Variants in ZCCHC24 observed in about 807,000 individuals in gnomAD.
ZCCHC24 encodes zinc finger CCHC-type containing 24, also known as zinc finger CCHC domain-containing protein 24.
A neutral mutation model predicts 26.2 loss-of-function variants in ZCCHC24; 10 were observed. That is an observed-to-expected ratio of 0.38 (90% confidence interval 0.24 to 0.65). The LOEUF is 0.65. Ranked by LOEUF, ZCCHC24 falls within the 30% of genes least tolerant of loss-of-function variation. The pLI is 0.54. For synonymous variants in ZCCHC24, 144 were observed against 147.1 expected (o/e 0.98, Z 0.15); for missense variants, 243 against 329.1 (o/e 0.74, Z 2.03).
rs775226965 is a variant in ZCCHC24, at chr10:79,386,355, C to T, written c.716G>A (p.Arg239His). 17 of 1,612,874 alleles carry T rather than the reference C, an allele frequency of 1.1e-5. No individual in the cohort carries two copies. Among genetic ancestry groups the T allele is most frequent in the Admixed American group, 1.7e-5 (1 of 59,952 alleles). ...KCKVLGYYCR[R>H]VQ Reference sequence around the variant, plus strand: ...CGGGCGGGCAGCCCGTCACTGCACGCGACGGCAGTAGTAGCCCAGGACCTT... The same window carrying T: ...CGGGCGGGCAGCCCGTCACTGCACGTGACGGCAGTAGTAGCCCAGGACCTT... Residue 239 changes from arginine (R) to histidine (H), a missense_variant, in exon 4 of 4, where the codon CGC (arginine) becomes CAC (histidine). Coordinates refer to ENST00000372336, the MANE Select transcript of ZCCHC24 (RefSeq NM_153367.4).
chr10:79,396,031 T>C (rs1856542508), intron 2 of ZCCHC24, among the ~76,000 whole-genome samples: 1 of 152,224 alleles, frequency 6.6e-6, no homozygotes, highest in Non-Finnish European at 1.5e-5. Flanking sequence ...CACACAGCCC[T>C]AGGCAGCCAC....
chr10:79,425,483 C>G (rs1211620283), intron 2 of ZCCHC24, among the ~76,000 whole-genome samples: 1 of 152,176 alleles, frequency 6.6e-6, no homozygotes, highest in Non-Finnish European at 1.5e-5. Flanking sequence ...TTTAAAGAAC[C>G]CTGACTTTCT....
chr10:79,413,821 G>A (rs1328278138), intron 2 of ZCCHC24, among the ~76,000 whole-genome samples: 3 of 151,744 alleles, frequency 2.0e-5, no homozygotes, highest in East Asian at 1.9e-4. Flanking sequence ...GAGGTGCTTC[G>A]GATGTGATAG....
chr10:79,391,827 T>C (rs72818296), intron 3 of ZCCHC24, among the ~76,000 whole-genome samples: 1 of 151,288 alleles, frequency 6.6e-6, no homozygotes, highest in Admixed American at 6.6e-5. Flanking sequence ...CTCCTCTGTC[T>C]GCTTGTCCTT....
chr10:79,398,569 A>AGGT (rs1856579553), intron 2 of ZCCHC24, among the ~76,000 whole-genome samples: 1 of 131,606 alleles, frequency 7.6e-6, no homozygotes, highest in Non-Finnish European at 1.6e-5. Flanking sequence ...GATGGGAGGG[A>AGGT]AACCTGGGAG....
chr10:79,386,177 GTT>G lies in ZCCHC24; in HGVS notation c.*166_*167del, dbSNP rs373388289. The G allele has an allele frequency of 2.8e-4, 178 of 639,384 alleles. No individual in the cohort carries two copies. Among genetic ancestry groups the G allele is most frequent in the African/African-American group, 2.8e-3 (152 of 54,988 alleles). The allele number at this position is 639,384 out of a possible 1,614,324, so 39.6% of individuals were successfully genotyped here. A position where few individuals can be genotyped will look rare whatever the true frequency, so the allele number is the denominator to read the frequency against. ...GGGGGGCAGCAATGTCAGTAACACT[GTT>G]TGTCAACACACACAAGACAAGGACG... On this transcript the variant is annotated 3_prime_UTR_variant, in exon 4 of 4. Transcript: ENST00000372336.
At chr10:79,430,233 T>C (rs992689469) in intron 2 of ZCCHC24, among the ~76,000 whole-genome samples, 1 of 152,126 alleles carries the variant, frequency 6.6e-6, no homozygotes, top group Non-Finnish European at 1.5e-5. Context: ...AAACTGATGC[T>C]GCGAGCCTCT....
intron 2 of ZCCHC24, among the ~76,000 whole-genome samples, chr10:79,398,679 G>A (rs960278731): frequency 6.6e-6 from 1 of 152,200 alleles, no homozygotes; most frequent in Non-Finnish European, 1.5e-5. Context: ...CTCATGGAAG[G>A]ACCACGCTGC....
At position 79,388,208 on chromosome 10, in the gene ZCCHC24, T is replaced by G. The variant is rs61257101; in HGVS notation, c.613-1750A>C. Among the ~76,000 whole-genome samples, 755 of 152,218 alleles carry G rather than the reference T, an allele frequency of 5.0e-3. 4 individuals carry two copies. Among genetic ancestry groups the G allele is most frequent in the African/African-American group, 0.017 (690 of 41,532 alleles). On this transcript the variant is annotated intron_variant, in intron 3 of 3. Coordinates refer to ENST00000372336, the MANE Select transcript of ZCCHC24 (RefSeq NM_153367.4). ...TCACCAGACAACTCAATGGAGATAATGAATACAAACAGCCCGGCATGCAGA... is the reference window on the plus strand; with the variant it reads ...TCACCAGACAACTCAATGGAGATAAGGAATACAAACAGCCCGGCATGCAGA...
rs774822147 is a variant in ZCCHC24, at chr10:79,432,542, G to A, written c.447+16C>T. On this transcript the variant is annotated intron_variant, in intron 2 of 3. Coordinates refer to ENST00000372336, the MANE Select transcript of ZCCHC24 (RefSeq NM_153367.4). Reference sequence around the variant, plus strand: ...AGGGGAGCCCAAGAGCACCCCCTGGGCCAGGGCTGCCTTACCTGGGGGCAG... The same window carrying A: ...AGGGGAGCCCAAGAGCACCCCCTGGACCAGGGCTGCCTTACCTGGGGGCAG... 2 of 1,590,672 alleles carry A rather than the reference G, an allele frequency of 1.3e-6. No individual in the cohort carries two copies. The highest frequency in any genetic ancestry group is 2.3e-5 in the East Asian group (1 of 43,692).
chr10:79,423,035 G>A (rs1856968898), intron 2 of ZCCHC24, among the ~76,000 whole-genome samples: 1 of 152,174 alleles, frequency 6.6e-6, no homozygotes, highest in Non-Finnish European at 1.5e-5. Context: ...TATCACCCAC[G>A]TCAACATCAG....
chr10:79,435,309 T>C (rs1051307383), intron 1 of ZCCHC24, among the ~76,000 whole-genome samples: 1 of 152,140 alleles, frequency 6.6e-6, no homozygotes, highest in Non-Finnish European at 1.5e-5. Flanking sequence ...AGGGGAAGTT[T>C]GGTGGGTGCC....
chr10:79,416,706 C>T (rs936256172), intron 2 of ZCCHC24, among the ~76,000 whole-genome samples: 1 of 152,150 alleles, frequency 6.6e-6, no homozygotes, highest in African/African-American at 2.4e-5. Context: ...TTTATGACAG[C>T]ACAGCCTCTG....
chr10:79,409,365 C>T (rs1038531454), intron 2 of ZCCHC24: 1 of 152,466 alleles, frequency 6.6e-6, no homozygotes, highest in East Asian at 1.9e-4. Flanking sequence ...AGACATCTCC[C>T]CTGCCCTCCA....
chr10:79,399,802 G>C (rs929224702), intron 2 of ZCCHC24, among the ~76,000 whole-genome samples: 4 of 152,260 alleles, frequency 2.6e-5, no homozygotes, highest in African/African-American at 9.6e-5. Context: ...GGCTTCGGAA[G>C]AGATGTGGAG....
intron 2 of ZCCHC24, among the ~76,000 whole-genome samples, chr10:79,417,085 C>T (rs1856873895): frequency 6.6e-6 from 1 of 152,194 alleles, no homozygotes; most frequent in East Asian, 1.9e-4. Context: ...TGCCAGCCTT[C>T]CCCCTCCCCG....
chr10:79,407,384 G>A (rs993013841), intron 2 of ZCCHC24, among the ~76,000 whole-genome samples: 4 of 152,248 alleles, frequency 2.6e-5, no homozygotes, highest in African/African-American at 7.2e-5. Context: ...GGCTGTGCTC[G>A]TCTTTCTGAT....
chr10:79,389,296 A>C (rs1856439408), intron 3 of ZCCHC24, among the ~76,000 whole-genome samples: 1 of 152,208 alleles, frequency 6.6e-6, no homozygotes, highest in Admixed American at 6.5e-5. Context: ...TGGAGACTGA[A>C]GGGGTCACTG....
At chr10:79,437,852 C>G (rs1288187984) in intron 1 of ZCCHC24, among the ~76,000 whole-genome samples, 2 of 152,190 alleles carry the variant, frequency 1.3e-5, no homozygotes, top group Non-Finnish European at 2.9e-5. Flanking sequence ...CCCTGCAGGA[C>G]AGTAGGTAGG....
Sources: allele counts gnomAD v4.1 joint callset (sites outside exome capture counted in the v4.1 genomes callset), GRCh38; gene constraint gnomAD v4.1.1; transcripts MANE v1.5; gene names NCBI Gene and HGNC (gene_info 2026-07-23, HGNC 2026-07-21).